The following TTYH3 variants were observed in gnomAD, a reference collection of about 807,000 sequenced individuals.
The protein encoded by TTYH3 is tweety family member 3.
A neutral mutation model predicts 68.2 loss-of-function variants in TTYH3; 23 were observed. The observed-to-expected ratio is 0.34, with a 90% confidence interval of 0.24 to 0.48. The LOEUF (loss-of-function observed/expected upper bound fraction) is 0.48, where lower values mean the gene tolerates loss of function less well. Ranked by LOEUF, TTYH3 falls within the 20% of genes least tolerant of loss-of-function variation. The pLI, the probability that TTYH3 is intolerant of heterozygous loss-of-function variation, is 0.99. For synonymous variants in TTYH3, 360 were observed against 332.8 expected, an observed-to-expected ratio of 1.08 and a Z score of -0.89; for missense variants, 768 against 727.7, an observed-to-expected ratio of 1.06 and a Z score of -0.64.
intron 1 of TTYH3, among the ~76,000 whole-genome samples, chr7:2,633,852 G>C (rs1785588694): frequency 6.6e-6 from 1 of 152,242 alleles, no homozygotes; most frequent in Non-Finnish European, 1.5e-5. Context: ...CTTCCTTCCA[G>C]CCCTCCGGGG....
Position 2,661,800 on chromosome 7 carries a change from G to A in TTYH3, c.*61G>A, listed in dbSNP as rs868855821. ...TTCCCCTCCCCGTGCCAGCACTGCCGCTTCCACCTGGGCCACCCACCGGAC... is the reference window on the plus strand; with the variant it reads ...TTCCCCTCCCCGTGCCAGCACTGCCACTTCCACCTGGGCCACCCACCGGAC... On this transcript the variant is annotated 3_prime_UTR_variant, in exon 14 of 14. Transcript: ENST00000258796. 229 of 1,534,926 alleles carry A rather than the reference G, an allele frequency of 1.5e-4. No homozygotes were observed. The Middle Eastern group carries it at 2.2e-3, about 15-fold the overall frequency.
rs1430804153 is a variant in TTYH3, at chr7:2,647,581, A to T, written c.569A>T (p.Asn190Ile). ...GYTAAIPFWR[N>I]TAVSLEVLAE... ...ACGGCCGCCATCCCCTTTTGGAGGA[A>T]CACGGCGGTGTCGCTGGAGGTGCTG... is the stretch of plus-strand genomic sequence containing the variant. The change falls in exon 4 of 14, where the codon AAC becomes ATC. Residue 190 changes from asparagine (N) to isoleucine (I), a missense_variant. Transcript: ENST00000258796. 11 of 1,572,596 alleles carry T rather than the reference A, an allele frequency of 7.0e-6. No homozygotes were observed. Among genetic ancestry groups the T allele is most frequent in the Non-Finnish European group, 9.5e-6 (11 of 1,159,980 alleles).
Position 2,664,744 on chromosome 7 carries a change from A to G in TTYH3, c.*3005A>G, listed in dbSNP as rs1786576132. The G allele has an allele frequency of 6.6e-6, 1 of 151,950 alleles. No homozygotes were observed. Among genetic ancestry groups the G allele is most frequent in the East Asian group, 1.9e-4 (1 of 5,224 alleles). 9.4% of individuals were successfully genotyped at this position (151,950 alleles called of 1,614,324 possible). A position where few individuals can be genotyped will look rare whatever the true frequency, so the allele number is the denominator to read the frequency against. On this transcript the variant is annotated 3_prime_UTR_variant, in exon 14 of 14. Coordinates refer to ENST00000258796, the MANE Select transcript of TTYH3 (RefSeq NM_025250.3). ...AAATACTAAAAATCTCGTCAATGTAATTTCTGTGGTTTCTATTCAGCTTGG... is the reference window on the plus strand; with the variant it reads ...AAATACTAAAAATCTCGTCAATGTAGTTTCTGTGGTTTCTATTCAGCTTGG...
chr7:2,655,980 G>A, intron 9 of TTYH3, 112 bp from the exon 10 acceptor site: 1 of 843,728 alleles, frequency 1.2e-6, no homozygotes, highest in East Asian at 2.8e-5. Flanking sequence ...GGGTATCTCA[G>A]TCGAAGATTA....
At chr7:2,658,527 T>G in intron 12 of TTYH3, 68 bp downstream of exon 12, 1 of 1,525,254 alleles carries the variant, frequency 6.6e-7, no homozygotes, top group Non-Finnish European at 8.9e-7. Context: ...GGATCTGGGC[T>G]GGGGCTAGCT....
intron 9 of TTYH3, among the ~76,000 whole-genome samples, chr7:2,654,270 C>T (rs1021668362): frequency 6.6e-6 from 1 of 152,140 alleles, no homozygotes; most frequent in Non-Finnish European, 1.5e-5. Flanking sequence ...CAAAGCATGC[C>T]TGCAATCCCA....
At chr7:2,638,334 T>C (rs1027094659) in intron 1 of TTYH3, among the ~76,000 whole-genome samples, 2 of 144,328 alleles carry the variant, frequency 1.4e-5, no homozygotes, top group African/African-American at 5.0e-5. Flanking sequence ...TGCAGCTCTT[T>C]GGTGTCTGTT....
At chr7:2,635,321 C>T (rs191327089) in intron 1 of TTYH3, among the ~76,000 whole-genome samples, 1 of 152,334 alleles carries the variant, frequency 6.6e-6, no homozygotes, top group East Asian at 1.9e-4. Context: ...AGGCCTGCAC[C>T]CTCGCTCTGT....
At chr7:2,641,744 C>G (rs1351575068) in intron 1 of TTYH3, among the ~76,000 whole-genome samples, 1 of 152,238 alleles carries the variant, frequency 6.6e-6, no homozygotes, top group Non-Finnish European at 1.5e-5. Flanking sequence ...CCGCAGGAGA[C>G]CGTCTGCTGG....
chr7:2,652,726 C>T, intron 8 of TTYH3, 192 bp from the exon 9 acceptor site: 1 of 593,984 alleles, frequency 1.7e-6, no homozygotes, highest in Non-Finnish European at 3.0e-6. Flanking sequence ...GTTACCACCT[C>T]AGGGCTCTGT....
Position 2,652,840 on chromosome 7 carries a change from C to A in TTYH3, c.928-78C>A, listed in dbSNP as rs1044053101. 7 of 1,213,236 alleles carry A rather than the reference C, an allele frequency of 5.8e-6. 1 individual carries two copies. In the African/African-American group the frequency reaches 1.1e-4, roughly 18 times the overall value. 75.2% of individuals were successfully genotyped at this position (1,213,236 alleles called of 1,614,324 possible). A position where few individuals can be genotyped will look rare whatever the true frequency, so the allele number is the denominator to read the frequency against. On this transcript the variant is annotated intron_variant, in intron 8 of 13. Transcript: ENST00000258796. ...CAGGCTGGACGTCTTGCTGGTGTCC[C>A]CGCGTTGGAGGGTCCTGGGGAGGGA...
rs771181751 is a variant in TTYH3 at position 2,656,554 on chromosome 7, C to A, written c.1250+20C>A. On this transcript the variant is annotated intron_variant, in intron 11 of 13. Coordinates refer to ENST00000258796, the MANE Select transcript of TTYH3 (RefSeq NM_025250.3). ...AAAGAGGTGAGGGGCCCTGGGGGGTCGCAGGAGCTTGCCCCAGGCCACATG... is the reference window on the plus strand; with the variant it reads ...AAAGAGGTGAGGGGCCCTGGGGGGTAGCAGGAGCTTGCCCCAGGCCACATG... 3.3e-5 allele frequency: 53 copies of A among 1,593,118 alleles called. No individual in the cohort carries two copies. The highest frequency in any genetic ancestry group is 4.3e-5 in the Non-Finnish European group (51 of 1,173,372).
chr7:2,638,432 G>T (rs1178542559), intron 1 of TTYH3, among the ~76,000 whole-genome samples: 2 of 152,146 alleles, frequency 1.3e-5, no homozygotes, highest in Non-Finnish European at 2.9e-5. Context: ...CGGCCTGTGG[G>T]GAGACGGGCA....
At chr7:2,641,953 C>T (rs1200297577) in intron 1 of TTYH3, among the ~76,000 whole-genome samples, 1 of 152,252 alleles carries the variant, frequency 6.6e-6, no homozygotes, top group East Asian at 1.9e-4. Context: ...CCCAAGTGGG[C>T]TCCCTTTGAG....
intron 1 of TTYH3, among the ~76,000 whole-genome samples, chr7:2,637,871 G>A (rs181849714): frequency 1.3e-5 from 2 of 152,318 alleles, no homozygotes; most frequent in South Asian, 2.1e-4. Context: ...AGTCCTGTGG[G>A]GCAGCACCCA....
At chr7:2,638,378 G>A (rs139376831) in intron 1 of TTYH3, among the ~76,000 whole-genome samples, 215 of 152,234 alleles carry the variant, frequency 1.4e-3, no homozygotes, top group African/African-American at 5.0e-3. Flanking sequence ...CGTGGGCAGC[G>A]GGAGAGCTGG....
At chr7:2,649,833 A>C in intron 6 of TTYH3, 80 bp from the exon 7 acceptor site, 1 of 1,539,654 alleles carries the variant, frequency 6.5e-7, no homozygotes. Context: ...AGCAGACTCC[A>C]GGGGACGGGT....
intron 7 of TTYH3, 80 bp from the exon 8 acceptor site, chr7:2,652,107 C>A: frequency 1.6e-6 from 2 of 1,233,942 alleles, no homozygotes; most frequent in Non-Finnish European, 2.4e-6. Flanking sequence ...TGAAGATATG[C>A]GTGCAGACAC....
At chr7:2,643,356 A>C (rs1249183277) in intron 1 of TTYH3, among the ~76,000 whole-genome samples, 11 of 138,856 alleles carry the variant, frequency 7.9e-5, no homozygotes, top group African/African-American at 2.5e-4. Flanking sequence ...CTCTGTCTCA[A>C]AAAAAAAAAA....
Sources: allele counts gnomAD v4.1 joint callset (sites outside exome capture counted in the v4.1 genomes callset), GRCh38; gene constraint gnomAD v4.1.1; transcripts MANE v1.5; gene names NCBI Gene and HGNC (gene_info 2026-07-23, HGNC 2026-07-21).